The following ROCK1 variants were observed in gnomAD, a reference collection of about 807,000 sequenced individuals.
ROCK1 encodes the protein rho-associated protein kinase 1.
ROCK1 carries 36 observed loss-of-function variants against 196.8 expected under a neutral mutation model. The ratio of observed to expected loss-of-function variants is 0.18; its 90% CI spans 0.14 to 0.24. The LOEUF is 0.24. Among genes scored for constraint, ROCK1 ranks in the 10% least tolerant of loss-of-function variants. The pLI is 1.00. For synonymous variants in ROCK1, 443 were observed against 515.9 expected (o/e 0.86, Z 1.91); for missense variants, 920 against 1,562.0 (o/e 0.59, Z 6.93).
At chr18:21,081,219 T>C (rs1485574237) in intron 1 of ROCK1, among the ~76,000 whole-genome samples, 2 of 152,084 alleles carry the variant, frequency 1.3e-5, no homozygotes, top group African/African-American at 4.8e-5. Context: ...AGGGGAAAAC[T>C]GGAAAATTAC....
intron 11 of ROCK1, among the ~76,000 whole-genome samples, chr18:21,020,589 T>G (rs1053992095): frequency 4.6e-5 from 7 of 152,170 alleles, no homozygotes; most frequent in Non-Finnish European, 8.8e-5. Context: ...AAAAAAATTA[T>G]CTACGGAGTG....
At chr18:21,040,606 A>T (rs2036097100) in intron 8 of ROCK1, among the ~76,000 whole-genome samples, 1 of 152,324 alleles carries the variant, frequency 6.6e-6, no homozygotes, top group East Asian at 1.9e-4. Flanking sequence ...CAATTTTTCC[A>T]AGAAGCTTTC....
chr18:21,017,185 T>TG (rs2035870118), intron 12 of ROCK1, among the ~76,000 whole-genome samples: 1 of 142,530 alleles, frequency 7.0e-6, no homozygotes, highest in Admixed American at 7.1e-5. Flanking sequence ...ATACCACACT[T>TG]CTTTTTTTTT....
At chr18:21,107,789 C>CA (rs2036715606) in intron 1 of ROCK1, among the ~76,000 whole-genome samples, 1 of 152,210 alleles carries the variant, frequency 6.6e-6, no homozygotes, top group Non-Finnish European at 1.5e-5. Context: ...CACGGTGGCT[C>CA]ACGCCTGTAA....
At chr18:20,992,380 T>C (rs1210464486) in intron 17 of ROCK1, among the ~76,000 whole-genome samples, 1 of 152,198 alleles carries the variant, frequency 6.6e-6, no homozygotes, top group African/African-American at 2.4e-5. Flanking sequence ...ATTTTTATTG[T>C]TAAGAAAATT....
intron 13 of ROCK1, among the ~76,000 whole-genome samples, chr18:21,014,065 C>CAAA (rs56355855): frequency 4.3e-5 from 3 of 69,792 alleles, no homozygotes; most frequent in African/African-American, 8.1e-5. Context: ...GACTCTGTCT[C>CAAA]AAAAAAAAAA....
Position 20,950,658 on chromosome 18 carries a change from C to A in ROCK1, c.*726G>T, listed in dbSNP as rs1044254202. 1 of 152,314 alleles carries A rather than the reference C, an allele frequency of 6.6e-6. No homozygotes were observed. The highest frequency in any genetic ancestry group is 1.5e-5 in the Non-Finnish European group (1 of 67,974). 9.4% of individuals were successfully genotyped at this position (152,314 alleles called of 1,614,324 possible). Reference sequence around the variant, plus strand: ...TTGTACAGTTAGTTTCCTAATGTCTCTAGTAGTAAAATAACTCAATATGGC... The same window carrying A: ...TTGTACAGTTAGTTTCCTAATGTCTATAGTAGTAAAATAACTCAATATGGC... On this transcript the variant is annotated 3_prime_UTR_variant, in exon 33 of 33. Transcript: ENST00000399799.
At chr18:21,067,251 CCTA>C (rs1165580938) in intron 2 of ROCK1, among the ~76,000 whole-genome samples, 3 of 151,948 alleles carry the variant, frequency 2.0e-5, no homozygotes, top group African/African-American at 7.3e-5. Context: ...AAATATTTTT[CCTA>C]CTTTTAAACT....
intron 1 of ROCK1, among the ~76,000 whole-genome samples, chr18:21,097,751 C>T (rs1025092117): frequency 1.3e-5 from 2 of 152,250 alleles, no homozygotes; most frequent in African/African-American, 4.8e-5. Flanking sequence ...AAAGCACTTA[C>T]ATGCATTACC....
At position 21,110,998 on chromosome 18, in the gene ROCK1, G is replaced by C. The variant is rs2036746534; in HGVS notation, c.-88C>G. 2 of 1,109,892 alleles carry C rather than the reference G, an allele frequency of 1.8e-6. No individual in the cohort carries two copies. The highest frequency in any genetic ancestry group is 1.4e-6 in the Non-Finnish European group (1 of 737,328). The allele number at this position is 1,109,892 out of a possible 1,614,324, so 68.8% of individuals were successfully genotyped here. Reference sequence around the variant, plus strand: ...CTTCCTCCGCGGTGGGTTCGCAGCCGCGGGGCGGAGGAGCCGGAACCTCAG... The same window carrying C: ...CTTCCTCCGCGGTGGGTTCGCAGCCCCGGGGCGGAGGAGCCGGAACCTCAG... On this transcript the variant is annotated 5_prime_UTR_variant, in exon 1 of 33. Coordinates refer to ENST00000399799, the MANE Select transcript of ROCK1 (RefSeq NM_005406.3).
At chr18:20,977,586 A>G (rs910669544) in intron 22 of ROCK1, among the ~76,000 whole-genome samples, 2 of 152,244 alleles carry the variant, frequency 1.3e-5, no homozygotes, top group African/African-American at 2.4e-5. Context: ...CTGAAGAATC[A>G]TAACTTACTA....
rs1182549891 is a variant in ROCK1, at chr18:21,021,518, G to A, written c.1273-1279C>T. Among the ~76,000 whole-genome samples the A allele has an allele frequency of 2.2e-4, 34 of 152,180 alleles. 1 individual carries two copies. Among genetic ancestry groups the A allele is most frequent in the Admixed American group, 2.2e-3 (34 of 15,278 alleles). ...AATGTTTGAAGTTCCAAAGAAGTAG[G>A]AAGCAGTCAGTGTCAAATACAGCAA... On this transcript the variant is annotated intron_variant, in intron 11 of 32. Coordinates refer to ENST00000399799, the MANE Select transcript of ROCK1 (RefSeq NM_005406.3).
At chr18:21,100,593 A>G (rs2036651089) in intron 1 of ROCK1, among the ~76,000 whole-genome samples, 1 of 152,156 alleles carries the variant, frequency 6.6e-6, no homozygotes, top group African/African-American at 2.4e-5. Flanking sequence ...ATTTAAAAAA[A>G]AAAAAAAGAC....
At position 21,042,656 on chromosome 18, in the gene ROCK1, A is replaced by C; in HGVS notation, c.729T>G (p.Pro243=). Residue 243 remains proline (P), a synonymous_variant, in exon 7 of 33, where the codon CCT becomes CCG. Coordinates refer to ENST00000399799, the MANE Select transcript of ROCK1 (RefSeq NM_005406.3). The stretch of plus-strand genomic sequence containing the variant: ...CACCACCTTGGGATTTTAATACTTC[A>C]GGGGAAATATAATCAGGTGTTCCAA... ...TAVGTPDYIS[P]EVLKSQGGDG... is the part of the protein sequence containing the mutation. 2 of 1,613,916 alleles carry C rather than the reference A, an allele frequency of 1.2e-6. No individual in the cohort carries two copies. The highest frequency in any genetic ancestry group is 1.7e-4 in the Middle Eastern group (1 of 6,058).
At chr18:21,007,020 T>A (rs1399874473) in intron 14 of ROCK1, among the ~76,000 whole-genome samples, 1 of 152,164 alleles carries the variant, frequency 6.6e-6, no homozygotes, top group African/African-American at 2.4e-5. Flanking sequence ...CTGTTGTAAA[T>A]CTCAAACTCC....
chr18:21,109,630 T>C (rs1231322803), intron 1 of ROCK1, among the ~76,000 whole-genome samples: 3 of 152,168 alleles, frequency 2.0e-5, no homozygotes, highest in Admixed American at 2.0e-4. Context: ...ACAATAGTCT[T>C]ATTTCCTGGT....
chr18:21,058,458 C>G (rs1812462143), intron 2 of ROCK1, among the ~76,000 whole-genome samples: 1 of 152,022 alleles, frequency 6.6e-6, no homozygotes, highest in East Asian at 1.9e-4. Context: ...ACTGTTTGAC[C>G]AGAATACTGC....
intron 1 of ROCK1, among the ~76,000 whole-genome samples, chr18:21,086,031 C>A (rs2036523828): frequency 1.3e-5 from 2 of 151,464 alleles, no homozygotes; most frequent in African/African-American, 2.4e-5. Context: ...TCAAACGATT[C>A]TTTTAAGTAT....
At chr18:21,078,373 CAGAGAGAGAGAG>C (rs796701748) in intron 1 of ROCK1, among the ~76,000 whole-genome samples, 12 of 66,118 alleles carry the variant, frequency 1.8e-4, no homozygotes, top group Non-Finnish European at 5.1e-4. Context: ...CACACACACA[CAGAGAGAGAGAG>C]AGAGAGAGAG....
Sources: allele counts gnomAD v4.1 joint callset (sites outside exome capture counted in the v4.1 genomes callset), GRCh38; gene constraint gnomAD v4.1.1; transcripts MANE v1.5; gene names NCBI Gene and HGNC (gene_info 2026-07-23, HGNC 2026-07-21).